PTPRO: variants seen among roughly 807,000 people sequenced by gnomAD.
The protein encoded by PTPRO is receptor-type tyrosine-protein phosphatase O.
A neutral mutation model predicts 145.2 loss-of-function variants in PTPRO; 62 were observed. The observed-to-expected ratio is 0.43, with a 90% CI of 0.35 to 0.53. PTPRO has a LOEUF of 0.53. Ranked by LOEUF, PTPRO falls within the 20% of genes least tolerant of loss-of-function variation. The pLI, the probability that PTPRO is intolerant of heterozygous loss-of-function variation, is 0.01. For synonymous variants in PTPRO, 565 were observed against 514.7 expected, an observed-to-expected ratio of 1.10 and a Z score of -1.32; for missense variants, 1,345 against 1,482.7, an observed-to-expected ratio of 0.91 and a Z score of 1.53.
chr12:15,517,189 T>C lies in PTPRO; in HGVS notation c.1779+233T>C. On this transcript the variant is annotated intron_variant, in intron 9 of 26. Transcript: ENST00000281171. ...CGTGGCTGGGGAAGCCTCACAATCA[T>C]GACAGAAGGCAAGGAGGAGCAAGTC... The C allele has an allele frequency of 5.3e-6, 3 of 569,304 alleles. No individual in the cohort carries two copies. In the East Asian group the frequency reaches 9.5e-5, roughly 18 times the overall value. 35.3% of individuals were successfully genotyped at this position (569,304 alleles called of 1,614,324 possible). A position where few individuals can be genotyped will look rare whatever the true frequency, so the allele number is the denominator to read the frequency against.
At chr12:15,464,207 A>G (rs1024647368) in intron 1 of PTPRO, among the ~76,000 whole-genome samples, 1 of 152,218 alleles carries the variant, frequency 6.6e-6, no homozygotes, top group Non-Finnish European at 1.5e-5. Context: ...AAAGTAGTTA[A>G]CAAATGGAAA....
chr12:15,483,016 G>A (rs537033721), intron 1 of PTPRO, among the ~76,000 whole-genome samples: 5 of 152,158 alleles, frequency 3.3e-5, no homozygotes, highest in South Asian at 4.1e-4. Flanking sequence ...TATATGGAGC[G>A]CCTGGCATAG....
intron 1 of PTPRO, among the ~76,000 whole-genome samples, chr12:15,408,281 G>T (rs568901863): frequency 3.9e-5 from 6 of 152,128 alleles, no homozygotes; most frequent in African/African-American, 1.4e-4. Context: ...CTCTATGGAA[G>T]GCTGCATTAT....
rs552516408 is a variant in PTPRO at position 15,465,696 on chromosome 12, A to C, written c.76-18278A>C. ...AGCAGGGACAGGATATTTCAACAAG[A>C]AGGAATGCATAAATAGGACATAGAC... On this transcript the variant is annotated intron_variant, in intron 1 of 26. Coordinates refer to ENST00000281171, the MANE Select transcript of PTPRO (RefSeq NM_030667.3). 1.2e-4 allele frequency among the ~76,000 whole-genome samples: 18 copies of C among 152,270 alleles called. No individual in the cohort carries two copies. The South Asian group carries it at 3.7e-3, about 32-fold the overall frequency.
At chr12:15,384,468 C>T (rs909953937) in intron 1 of PTPRO, among the ~76,000 whole-genome samples, 1 of 152,102 alleles carries the variant, frequency 6.6e-6, no homozygotes, top group Non-Finnish European at 1.5e-5. Flanking sequence ...TGATTGCTAG[C>T]CAGAGCTCTC....
chr12:15,397,468 A>C (rs1939373455), intron 1 of PTPRO, among the ~76,000 whole-genome samples: 1 of 152,202 alleles, frequency 6.6e-6, no homozygotes, highest in Non-Finnish European at 1.5e-5. Flanking sequence ...ATGAAGACTT[A>C]CTTCAGTTTG....
intron 1 of PTPRO, among the ~76,000 whole-genome samples, chr12:15,433,130 G>C (rs904757777): frequency 6.7e-6 from 1 of 148,488 alleles, no homozygotes; most frequent in Non-Finnish European, 1.5e-5. Context: ...ATCCAGGATG[G>C]TACTGCCTAG....
intron 1 of PTPRO, among the ~76,000 whole-genome samples, chr12:15,415,529 C>G (rs190712983): frequency 6.6e-6 from 1 of 151,546 alleles, no homozygotes; most frequent in Non-Finnish European, 1.5e-5. Flanking sequence ...GGACTACAGG[C>G]ACCTGCCACC....
chr12:15,438,538 A>G (rs1289872544), intron 1 of PTPRO, among the ~76,000 whole-genome samples: 1 of 152,022 alleles, frequency 6.6e-6, no homozygotes, highest in Non-Finnish European at 1.5e-5. Context: ...GGAATTGAAA[A>G]ACTCACGTAA....
intron 1 of PTPRO, among the ~76,000 whole-genome samples, chr12:15,472,384 T>C (rs906175745): frequency 6.6e-6 from 1 of 152,138 alleles, no homozygotes; most frequent in Non-Finnish European, 1.5e-5. Flanking sequence ...ATTACAAGAG[T>C]TCATGATTTC....
chr12:15,532,725 G>GA (rs1166659257), intron 12 of PTPRO, among the ~76,000 whole-genome samples: 1 of 152,104 alleles, frequency 6.6e-6, no homozygotes, highest in Non-Finnish European at 1.5e-5. Context: ...TTTCTATTAA[G>GA]AAAAAAGTTG....
rs182103253 is a variant in PTPRO, at chr12:15,412,815, A to T, written c.76-71159A>T. On this transcript the variant is annotated intron_variant, in intron 1 of 26. Coordinates refer to ENST00000281171, the MANE Select transcript of PTPRO (RefSeq NM_030667.3). ...TTTGTTTTTGTTTTTGTTTTTTGAG[A>T]TGGACTCTCACTCTGTCTCCAAGGC... Among the ~76,000 whole-genome samples, 11 of 152,120 alleles carry T rather than the reference A, an allele frequency of 7.2e-5. No individual in the cohort carries two copies. In the East Asian group the frequency reaches 1.9e-3, roughly 27 times the overall value.
At chr12:15,399,644 A>C (rs1363465323) in intron 1 of PTPRO, among the ~76,000 whole-genome samples, 4 of 152,054 alleles carry the variant, frequency 2.6e-5, no homozygotes, top group African/African-American at 4.8e-5. Context: ...ATTATCACTT[A>C]TTTTTCATAT....
At position 15,518,896 on chromosome 12, in the gene PTPRO, T is replaced by C. The variant is rs1197219790; in HGVS notation, c.1780-1305T>C. Among the ~76,000 whole-genome samples the C allele has an allele frequency of 3.3e-5, 5 of 152,196 alleles. No individual in the cohort carries two copies. In the South Asian group the frequency reaches 1.0e-3, roughly 32 times the overall value. ...CTAGGGAATTCCAAACTTTCCCACATTTTACTGTCTTCTGAGCCCTCCAAA... is the reference window on the plus strand; with the variant it reads ...CTAGGGAATTCCAAACTTTCCCACACTTTACTGTCTTCTGAGCCCTCCAAA... On this transcript the variant is annotated intron_variant, in intron 9 of 26. Transcript: ENST00000281171.
intron 1 of PTPRO, among the ~76,000 whole-genome samples, chr12:15,348,942 G>C (rs1470534145): frequency 1.3e-5 from 2 of 152,102 alleles, no homozygotes; most frequent in South Asian, 2.1e-4. Flanking sequence ...AAATTTGTTG[G>C]AGCAGCAGTA....
At chr12:15,560,311 C>G (rs780544133) in intron 17 of PTPRO, 35 bp downstream of exon 17, 2 of 1,456,628 alleles carry the variant, frequency 1.4e-6, no homozygotes, top group Non-Finnish European at 1.9e-6. Flanking sequence ...AACACAAACT[C>G]TTTAAAAGTT....
chr12:15,576,847 A>G (rs1591759993), intron 19 of PTPRO, among the ~76,000 whole-genome samples: 2 of 152,350 alleles, frequency 1.3e-5, no homozygotes, highest in South Asian at 2.1e-4. Flanking sequence ...GGCATGTCAG[A>G]ATATGTGAGA....
At chr12:15,562,205 G>A (rs1270187198) in intron 17 of PTPRO, among the ~76,000 whole-genome samples, 5 of 152,100 alleles carry the variant, frequency 3.3e-5, no homozygotes, top group Non-Finnish European at 7.4e-5. Context: ...AGATACAAAA[G>A]AAGTGAAATT....
intron 1 of PTPRO, among the ~76,000 whole-genome samples, chr12:15,360,826 GTGTA>G (rs1236954173): frequency 3.9e-5 from 5 of 126,980 alleles, no homozygotes; most frequent in African/African-American, 1.4e-4. Flanking sequence ...ATATATGTGT[GTGTA>G]TATATATACG....
Sources: gnomAD v4.1 joint callset for allele counts (sites outside exome capture counted in the v4.1 genomes callset) on GRCh38, gnomAD v4.1.1 for gene constraint, MANE v1.5 for transcripts, NCBI Gene and HGNC (gene_info 2026-07-23, HGNC 2026-07-21) for gene names.